The following UPP2 variants were observed in gnomAD, a reference collection of about 807,000 sequenced individuals.
UPP2 encodes the protein uridine phosphorylase 2, also known as UPase 2.
UPP2 carries 23 observed loss-of-function variants against 26.7 expected under a neutral mutation model. The observed-to-expected ratio is 0.86, with a 90% CI of 0.62 to 1.22. The LOEUF (loss-of-function observed/expected upper bound fraction) is 1.22. Ranked by LOEUF, UPP2 falls within the 50% of genes most tolerant of loss-of-function variation. The probability of loss-of-function intolerance (pLI) is 0.00; values close to 1 mark genes in which losing one functional copy is unlikely to be tolerated. For missense variants in UPP2, 387 were observed against 396.7 expected (o/e 0.98, Z 0.21); for synonymous variants, 127 against 141.3 (o/e 0.90, Z 0.72).
At chr2:158,037,386 A>G (rs1684020278) in intron 3 of UPP2, among the ~76,000 whole-genome samples, 1 of 152,142 alleles carries the variant, frequency 6.6e-6, no homozygotes, top group African/African-American at 2.4e-5. Flanking sequence ...AAAAAAGAAA[A>G]AAGAAAAAAA....
intron 3 of UPP2, among the ~76,000 whole-genome samples, chr2:158,036,129 A>C (rs1683997143): frequency 6.6e-6 from 1 of 152,214 alleles, no homozygotes. Flanking sequence ...ACTCAACTTT[A>C]CTTCTTTAAT....
chr2:158,092,322 T>C lies in UPP2; in HGVS notation c.148-9718T>C, dbSNP rs1682924282. Among the ~76,000 whole-genome samples the C allele has an allele frequency of 2.0e-5, 3 of 152,170 alleles. 1 individual carries two copies. In the South Asian group the frequency reaches 6.2e-4, roughly 32 times the overall value. ...AACACATTTTAATAAAGCTTCAGGA[T>C]ATAAAGAGAAAATCTAGATGCAACC... On this transcript the variant is annotated intron_variant, in intron 3 of 9. Transcript: ENST00000605860.
chr2:158,127,879 C>A (rs1037615017), intron 6 of UPP2: 1 of 441,520 alleles, frequency 2.3e-6, no homozygotes, highest in Non-Finnish European at 3.0e-6. Flanking sequence ...TAATGTAAAC[C>A]TGTTCAATGG....
chr2:158,072,786 C>T (rs575411017), intron 3 of UPP2, among the ~76,000 whole-genome samples: 50 of 152,318 alleles, frequency 3.3e-4, no homozygotes, highest in Middle Eastern at 3.4e-3. Context: ...CTCAATGAGT[C>T]TATAAGAACC....
At position 158,087,425 on chromosome 2, in the gene UPP2, G is replaced by C. The variant is rs550791433; in HGVS notation, c.148-14615G>C. ...CTTGAAGACAGCAGATCCTTGGTTG[G>C]TGAATTCTCCATTCTCCCATTCTTT... On this transcript the variant is annotated intron_variant, in intron 3 of 9. Coordinates refer to the UPP2 transcript ENST00000605860. Among the ~76,000 whole-genome samples, 7 of 152,188 alleles carry C rather than the reference G, an allele frequency of 4.6e-5. No homozygotes were observed. The South Asian group carries it at 1.4e-3, about 32-fold the overall frequency.
Position 158,123,802 on chromosome 2 carries a change from G to T in UPP2, c.718G>T (p.Asp240Tyr), listed in dbSNP as rs1558940266. 1.9e-6 allele frequency: 3 copies of T among 1,614,080 alleles called. No individual in the cohort carries two copies. Among genetic ancestry groups the T allele is most frequent in the Middle Eastern group, 1.7e-4 (1 of 6,058 alleles). ...CTCCTTTTCCAGAGAAAAAAAGTTA[G>T]ACTACTTGAAGAGAGCATTTAAAGC... ...LCSFSREKKLDYLKRAFKAGV... is the reference protein window; with the variant it reads ...LCSFSREKKLYYLKRAFKAGV... Residue 240 changes from aspartate (D) to tyrosine (Y), a missense_variant, in exon 6 of 7, where the codon GAC becomes TAC. Physicochemically the swap from Asp to Tyr is radical, Grantham distance 160. Coordinates refer to ENST00000005756, the MANE Select transcript of UPP2 (RefSeq NM_173355.4).
intron 2 of UPP2, among the ~76,000 whole-genome samples, chr2:158,010,773 T>C (rs1018781730): frequency 6.7e-6 from 1 of 149,164 alleles, no homozygotes; most frequent in African/African-American, 2.5e-5. Context: ...CTTTTTTTTT[T>C]TTTTTTTTTT....
intron 2 of UPP2, among the ~76,000 whole-genome samples, chr2:158,001,918 A>G (rs1683413483): frequency 7.0e-6 from 1 of 142,622 alleles, no homozygotes; most frequent in Non-Finnish European, 1.5e-5. Context: ...CATTCCTTGA[A>G]GCGGACAGCT....
At chr2:158,015,847 G>A (rs1190192414) in exon 3 of UPP2, 1 of 453,134 alleles carries the variant, frequency 2.2e-6, no homozygotes, top group East Asian at 7.0e-5. Flanking sequence ...TAAGTGTCCT[G>A]AGGCCTCCCA....
intron 3 of UPP2, among the ~76,000 whole-genome samples, chr2:158,088,700 C>G (rs1253520938): frequency 6.6e-6 from 1 of 152,204 alleles, no homozygotes; most frequent in Non-Finnish European, 1.5e-5. Flanking sequence ...TCTCCCCCTT[C>G]CTCTAGGGAT....
chr2:158,036,412 G>A (rs538113265), intron 3 of UPP2, among the ~76,000 whole-genome samples: 1 of 152,288 alleles, frequency 6.6e-6, no homozygotes, highest in African/African-American at 2.4e-5. Flanking sequence ...TTCCTGTGGA[G>A]TCCAGGTGTG....
chr2:158,102,761 A>C (rs372019826), intron 1 of UPP2, among the ~76,000 whole-genome samples: 1 of 152,162 alleles, frequency 6.6e-6, no homozygotes, highest in Non-Finnish European at 1.5e-5. Context: ...GTTGTGTGAA[A>C]TGTCTTGCTT....
chr2:158,003,207 A>T (rs561293555), intron 2 of UPP2, among the ~76,000 whole-genome samples: 2 of 151,864 alleles, frequency 1.3e-5, no homozygotes, highest in Non-Finnish European at 2.9e-5. Context: ...GTGTTGGTGG[A>T]GGTGTCAGAG....
At chr2:158,050,810 T>C (rs1294171955) in intron 3 of UPP2, among the ~76,000 whole-genome samples, 1 of 152,192 alleles carries the variant, frequency 6.6e-6, no homozygotes, top group Non-Finnish European at 1.5e-5. Flanking sequence ...ATATGAACTA[T>C]TGAAATGCAC....
chr2:158,105,285 G>A (rs149538325), intron 1 of UPP2, among the ~76,000 whole-genome samples: 11 of 152,188 alleles, frequency 7.2e-5, no homozygotes, highest in South Asian at 2.1e-4. Flanking sequence ...CTTGAATTTC[G>A]TGGTATTTCA....
chr2:158,077,903 G>C (rs1214654578), intron 3 of UPP2, among the ~76,000 whole-genome samples: 1 of 151,968 alleles, frequency 6.6e-6, no homozygotes, highest in African/African-American at 2.4e-5. Context: ...TTAATAACCA[G>C]AATGCATAAA....
Position 158,114,298 on chromosome 2 carries a change from T to G in UPP2, c.181-803T>G, listed in dbSNP as rs140161147. Among the ~76,000 whole-genome samples the G allele has an allele frequency of 9.1e-4, 139 of 152,316 alleles. 2 individuals are homozygous for G. The East Asian group carries it at 0.025, about 28-fold the overall frequency. On this transcript the variant is annotated intron_variant, in intron 2 of 6. Coordinates refer to ENST00000005756, the MANE Select transcript of UPP2 (RefSeq NM_173355.4). ...CTGCTACTGCTCACCCTCTTGTTGC[T>G]GACCCGTAGTGCTTCTCTGCTCCTC...
rs551856961 is a variant in UPP2 at position 158,083,004 on chromosome 2, A to C, written c.148-19036A>C. Among the ~76,000 whole-genome samples the C allele has an allele frequency of 3.3e-5, 5 of 152,350 alleles. No individual in the cohort carries two copies. In the South Asian group the frequency reaches 1.0e-3, roughly 32 times the overall value. ...AGAAATTCAAATCAAAACTACAATG[A>C]GATGCCATCTTACATCAGTTAGAAT... On this transcript the variant is annotated intron_variant, in intron 3 of 9. Coordinates refer to the UPP2 transcript ENST00000605860.
upstream of UPP2, among the ~76,000 whole-genome samples, chr2:158,098,308 G>A (rs1683018783): frequency 6.6e-6 from 1 of 152,142 alleles, no homozygotes; most frequent in Non-Finnish European, 1.5e-5. Context: ...CTAGGCATAG[G>A]CCAGCCTGAG....
Sources: allele counts gnomAD v4.1 joint callset (sites outside exome capture counted in the v4.1 genomes callset), GRCh38; gene constraint gnomAD v4.1.1; transcripts MANE v1.5; gene names NCBI Gene and HGNC (gene_info 2026-07-23, HGNC 2026-07-21).